SEMA6D: variants seen among roughly 807,000 people sequenced by gnomAD.
The protein encoded by SEMA6D is semaphorin 6D.
In SEMA6D, 35 loss-of-function variants were observed where a neutral mutation model predicts 106.6. The ratio of observed to expected loss-of-function variants is 0.33; its 90% CI spans 0.25 to 0.44. The LOEUF (loss-of-function observed/expected upper bound fraction) is 0.44. SEMA6D is among the 20% of genes least tolerant of loss of function. SEMA6D has a pLI of 1.00. For synonymous variants in SEMA6D, 499 were observed against 487.7 expected (o/e 1.02, Z -0.31); for missense variants, 1,185 against 1,345.9 (o/e 0.88, Z 1.87).
intron 2 of SEMA6D, among the ~76,000 whole-genome samples, chr15:47,461,569 A>T (rs1277771957): frequency 6.6e-6 from 1 of 152,120 alleles, no homozygotes; most frequent in African/African-American, 2.4e-5. Context: ...TTCCGTCATT[A>T]AAAATAATAT....
intron 3 of SEMA6D, among the ~76,000 whole-genome samples, chr15:47,598,698 T>C (rs941825864): frequency 2.0e-5 from 3 of 152,148 alleles, no homozygotes; most frequent in Non-Finnish European, 4.4e-5. Flanking sequence ...TTAAACAGTA[T>C]ATGAGGGCCA....
intron 3 of SEMA6D, among the ~76,000 whole-genome samples, chr15:47,503,523 A>G (rs1277714780): frequency 6.6e-6 from 1 of 152,174 alleles, no homozygotes; most frequent in East Asian, 1.9e-4. Flanking sequence ...AGTAATACAG[A>G]GTGTGAAGAA....
intron 1 of SEMA6D, among the ~76,000 whole-genome samples, chr15:47,244,863 C>T (rs570153055): frequency 6.6e-5 from 10 of 152,222 alleles, no homozygotes; most frequent in South Asian, 4.1e-4. Context: ...ATCCCCCTCG[C>T]GGTAGTTCCA....
Position 47,626,649 on chromosome 15 carries a change from C to T in SEMA6D, c.-55+25753C>T, listed in dbSNP as rs560176815. Among the ~76,000 whole-genome samples the T allele has an allele frequency of 2.0e-5, 3 of 152,218 alleles. No homozygotes were observed. In the South Asian group the frequency reaches 6.2e-4, roughly 32 times the overall value. ...GATTGTTATTGTTGCTGCTGCTGTT[C>T]TTATTTTTATGTTTTTCTGTTGCCC... On this transcript the variant is annotated intron_variant, in intron 4 of 19. Transcript: ENST00000558014.
At chr15:47,589,199 G>A (rs1782509571) in intron 3 of SEMA6D, among the ~76,000 whole-genome samples, 1 of 152,176 alleles carries the variant, frequency 6.6e-6, no homozygotes, top group African/African-American at 2.4e-5. Flanking sequence ...CTAGACAGCA[G>A]AGGGCACCAC....
intron 1 of SEMA6D, among the ~76,000 whole-genome samples, chr15:47,261,489 C>G (rs2034073260): frequency 6.6e-6 from 1 of 152,046 alleles, no homozygotes; most frequent in Non-Finnish European, 1.5e-5. Context: ...GGTCTCAGCT[C>G]TGTTTTATTT....
chr15:47,348,697 A>T (rs2038147625), intron 1 of SEMA6D, among the ~76,000 whole-genome samples: 1 of 112,230 alleles, frequency 8.9e-6, no homozygotes, highest in Non-Finnish European at 1.8e-5. Context: ...ACACACACAC[A>T]CACACACACA....
At chr15:47,436,535 A>G (rs1391629749) in intron 2 of SEMA6D, among the ~76,000 whole-genome samples, 1 of 150,772 alleles carries the variant, frequency 6.6e-6, no homozygotes, top group Non-Finnish European at 1.5e-5. Context: ...ATATGTATAT[A>G]TATATTTTAT....
At chr15:47,251,390 A>G (rs1358974662) in intron 1 of SEMA6D, among the ~76,000 whole-genome samples, 2 of 152,130 alleles carry the variant, frequency 1.3e-5, no homozygotes, top group Non-Finnish European at 2.9e-5. Context: ...TCTAACTTCT[A>G]TATGAAAGCC....
intron 4 of SEMA6D, among the ~76,000 whole-genome samples, chr15:47,675,653 G>GA (rs1168953369): frequency 6.6e-6 from 1 of 152,094 alleles, no homozygotes; most frequent in African/African-American, 2.4e-5. Flanking sequence ...CTTTATATAA[G>GA]AAAAAAATCA....
chr15:47,428,323 C>T (rs1414397528), intron 2 of SEMA6D, among the ~76,000 whole-genome samples: 4 of 152,058 alleles, frequency 2.6e-5, no homozygotes, highest in Non-Finnish European at 4.4e-5. Context: ...CTAATATGAA[C>T]ACGTAGTGTA....
intron 1 of SEMA6D, among the ~76,000 whole-genome samples, chr15:47,365,360 A>G (rs959329338): frequency 6.6e-6 from 1 of 152,126 alleles, no homozygotes; most frequent in African/African-American, 2.4e-5. Context: ...CTGCCCTACA[A>G]CAGTGCCCAG....
At chr15:47,740,694 G>A (rs1049250017) in intron 1 of SEMA6D, among the ~76,000 whole-genome samples, 3 of 152,128 alleles carry the variant, frequency 2.0e-5, no homozygotes, top group African/African-American at 7.2e-5. Flanking sequence ...GGAGCGAGCC[G>A]TGAGCCCTCA....
intron 1 of SEMA6D, among the ~76,000 whole-genome samples, chr15:47,364,264 T>G (rs1025150896): frequency 6.6e-6 from 1 of 152,332 alleles, no homozygotes; most frequent in Middle Eastern, 3.4e-3. Flanking sequence ...ACTATTTTCA[T>G]GCCTTTGAAG....
rs542381490 is a variant in SEMA6D, at chr15:47,548,887, G to A, written c.-86-51978G>A. On this transcript the variant is annotated intron_variant, in intron 3 of 19. Coordinates refer to the SEMA6D transcript ENST00000558014. ...CATATAATTCTAATGGACTTTCCTG[G>A]AAGATCTTCCTATTAGTATTATTAC... 3.3e-5 allele frequency among the ~76,000 whole-genome samples: 5 copies of A among 152,136 alleles called. No homozygotes were observed. The South Asian group carries it at 1.0e-3, about 32-fold the overall frequency.
intron 1 of SEMA6D, among the ~76,000 whole-genome samples, chr15:47,356,604 A>G (rs76389394): frequency 0.046 from 6,961 of 152,138 alleles, 238 homozygotes; most frequent in South Asian, 0.13. Flanking sequence ...GGTGTGTGTC[A>G]TAGGATATGA....
intron 1 of SEMA6D, among the ~76,000 whole-genome samples, chr15:47,248,362 A>G (rs11856688): frequency 0.047 from 7,192 of 152,320 alleles, 240 homozygotes; most frequent in Middle Eastern, 0.12. Flanking sequence ...AAAACACTCA[A>G]AAGTAATGAA....
At chr15:47,722,824 T>G (rs1353676185) in intron 1 of SEMA6D, among the ~76,000 whole-genome samples, 1 of 152,234 alleles carries the variant, frequency 6.6e-6, no homozygotes, top group Non-Finnish European at 1.5e-5. Context: ...GCTTACTAAA[T>G]TCTAGGCACC....
At chr15:47,407,940 G>A (rs2040651599) in intron 1 of SEMA6D, among the ~76,000 whole-genome samples, 1 of 152,130 alleles carries the variant, frequency 6.6e-6, no homozygotes, top group African/African-American at 2.4e-5. Context: ...GTGGGGTGGG[G>A]GTGTTGGGAA....
Sources: allele counts gnomAD v4.1 joint callset (sites outside exome capture counted in the v4.1 genomes callset), GRCh38; gene constraint gnomAD v4.1.1; transcripts MANE v1.5; gene names NCBI Gene and HGNC (gene_info 2026-07-23, HGNC 2026-07-21).